GPC5: variants seen among roughly 807,000 people sequenced by gnomAD.
GPC5 encodes the protein glypican 5, also known as glypican-5.
A neutral mutation model predicts 53.9 loss-of-function variants in GPC5; 47 were observed. The observed-to-expected ratio is 0.87, with a 90% CI of 0.69 to 1.11. The LOEUF (loss-of-function observed/expected upper bound fraction) is 1.11, where lower values mean the gene tolerates loss of function less well. GPC5 is among the 50% of genes most tolerant of loss of function. The pLI is 0.00. For synonymous variants in GPC5, 286 were observed against 263.3 expected (o/e 1.09, Z -0.84); for missense variants, 748 against 713.1 (o/e 1.05, Z -0.56).
chr13:91,966,111 C>T (rs925487046), intron 6 of GPC5, among the ~76,000 whole-genome samples: 2 of 152,110 alleles, frequency 1.3e-5, no homozygotes, highest in Admixed American at 6.6e-5. Context: ...CATACGGACA[C>T]GTGAAAGCCA....
intron 2 of GPC5, among the ~76,000 whole-genome samples, chr13:91,470,361 G>T (rs972292487): frequency 6.6e-6 from 1 of 152,084 alleles, no homozygotes; most frequent in African/African-American, 2.4e-5. Context: ...TAACCACTGA[G>T]ATTTTCCTTT....
intron 6 of GPC5, among the ~76,000 whole-genome samples, chr13:92,102,641 A>G (rs916664908): frequency 1.3e-5 from 2 of 152,182 alleles, no homozygotes; most frequent in Admixed American, 6.5e-5. Context: ...AAGTATAAGG[A>G]TGGGCTTTCA....
At chr13:91,815,218 T>TA (rs755224722) in intron 5 of GPC5, among the ~76,000 whole-genome samples, 16 of 151,784 alleles carry the variant, frequency 1.1e-4, no homozygotes, top group South Asian at 4.2e-4. Context: ...AAAATAATAA[T>TA]AATAAATAAA....
intron 1 of GPC5, among the ~76,000 whole-genome samples, chr13:91,408,860 G>T (rs1157607322): frequency 6.6e-6 from 1 of 151,970 alleles, no homozygotes; most frequent in Admixed American, 6.5e-5. Context: ...TATTTTGTTA[G>T]TCTTTTGCTT....
rs375491021 is a variant in GPC5, at chr13:92,109,909, GT to G, written c.1402-34918del. On this transcript the variant is annotated intron_variant, in intron 6 of 7. Coordinates refer to ENST00000377067, the MANE Select transcript of GPC5 (RefSeq NM_004466.6). ...TATATTATGAATATACATTGAATTA[GT>G]TTAGAACTAGTCCCTATACCTAAGA... Among the ~76,000 whole-genome samples the G allele has an allele frequency of 3.2e-4, 49 of 152,178 alleles. 1 individual carries two copies. The East Asian group carries it at 7.5e-3, about 23-fold the overall frequency.
chr13:91,784,855 T>C (rs1332413544), intron 5 of GPC5, among the ~76,000 whole-genome samples: 1 of 152,156 alleles, frequency 6.6e-6, no homozygotes, highest in African/African-American at 2.4e-5. Context: ...GATTAGAAAA[T>C]GTATCATATG....
chr13:92,182,785 C>T (rs571241684), intron 7 of GPC5, among the ~76,000 whole-genome samples: 26 of 151,692 alleles, frequency 1.7e-4, no homozygotes, highest in Non-Finnish European at 2.9e-4. Flanking sequence ...GGGAGAATGG[C>T]GTGAACCCGG....
intron 2 of GPC5, among the ~76,000 whole-genome samples, chr13:91,599,859 G>T (rs542384467): frequency 6.6e-6 from 1 of 152,250 alleles, no homozygotes; most frequent in Admixed American, 6.5e-5. Context: ...ATATTTGCGG[G>T]CTTATCTAAT....
At chr13:91,525,203 C>T (rs1886028715) in intron 2 of GPC5, among the ~76,000 whole-genome samples, 1 of 152,044 alleles carries the variant, frequency 6.6e-6, no homozygotes, top group Admixed American at 6.6e-5. Context: ...TTACTTTTCC[C>T]CCCAAGAAAT....
intron 2 of GPC5, among the ~76,000 whole-genome samples, chr13:91,458,058 A>G (rs1310220252): frequency 2.0e-5 from 3 of 152,166 alleles, no homozygotes; most frequent in Non-Finnish European, 4.4e-5. Flanking sequence ...TGGAAATACT[A>G]GAGGGCTGCA....
intron 1 of GPC5, among the ~76,000 whole-genome samples, chr13:91,400,758 T>C (rs1195496391): frequency 6.6e-6 from 1 of 152,228 alleles, no homozygotes; most frequent in Non-Finnish European, 1.5e-5. Context: ...TCTCAGTATT[T>C]CTGGTATCTG....
chr13:91,827,091 C>T (rs910101311), intron 5 of GPC5, among the ~76,000 whole-genome samples: 12 of 151,720 alleles, frequency 7.9e-5, no homozygotes, highest in African/African-American at 2.9e-4. Context: ...ATGTTTCTAA[C>T]ACAAATAAAT....
At chr13:92,748,311 T>TTTTTTATTATTA (rs535585731) in intron 7 of GPC5, among the ~76,000 whole-genome samples, 57 of 142,348 alleles carry the variant, frequency 4.0e-4, no homozygotes, top group Admixed American at 2.5e-3. Flanking sequence ...TGCATTTTAT[T>TTTTTTATTATTA]TTATTATTAT....
At chr13:91,925,725 A>C (rs2039760586) in intron 6 of GPC5, among the ~76,000 whole-genome samples, 1 of 152,198 alleles carries the variant, frequency 6.6e-6, no homozygotes, top group Non-Finnish European at 1.5e-5. Flanking sequence ...ACTCGCTTGC[A>C]AAAACAAACG....
At chr13:92,703,052 A>ATATATATTTATT (rs997997917) in intron 7 of GPC5, among the ~76,000 whole-genome samples, 70 of 145,804 alleles carry the variant, frequency 4.8e-4, no homozygotes, top group African/African-American at 1.7e-3. Flanking sequence ...GCATATATAT[A>ATATATATTTATT]TATTTATTTA....
intron 6 of GPC5, among the ~76,000 whole-genome samples, chr13:91,984,220 T>C (rs2040386564): frequency 6.6e-6 from 1 of 152,228 alleles, no homozygotes; most frequent in Non-Finnish European, 1.5e-5. Flanking sequence ...ATTCCATTAT[T>C]ATTCTGCACT....
chr13:91,794,251 T>A (rs2990004), intron 5 of GPC5, among the ~76,000 whole-genome samples: 54,646 of 152,034 alleles, frequency 0.36, 11,132 homozygotes, highest in African/African-American at 0.56. Context: ...CTTAGACTAG[T>A]GAGACAGTAG....
intron 5 of GPC5, among the ~76,000 whole-genome samples, chr13:91,891,192 A>G (rs2039381891): frequency 6.6e-6 from 1 of 152,068 alleles, no homozygotes; most frequent in Admixed American, 6.6e-5. Flanking sequence ...CTAATAACAG[A>G]TGTATTAAAG....
At chr13:91,503,338 T>G (rs1884750720) in intron 2 of GPC5, among the ~76,000 whole-genome samples, 1 of 152,136 alleles carries the variant, frequency 6.6e-6, no homozygotes, top group Non-Finnish European at 1.5e-5. Flanking sequence ...ACTCTGCAAT[T>G]TATTAATAAT....
Sources: gnomAD v4.1 joint callset for allele counts (sites outside exome capture counted in the v4.1 genomes callset) on GRCh38, gnomAD v4.1.1 for gene constraint, MANE v1.5 for transcripts, NCBI Gene and HGNC (gene_info 2026-07-23, HGNC 2026-07-21) for gene names.